GLRB: variants seen among roughly 807,000 people sequenced by gnomAD.
GLRB encodes the protein glycine receptor beta.
A neutral mutation model predicts 54.2 loss-of-function variants in GLRB; 33 were observed. The observed-to-expected ratio is 0.61, with a 90% CI of 0.46 to 0.81. The LOEUF is 0.81. Among genes scored for constraint, GLRB ranks in the 40% least tolerant of loss-of-function variants. The pLI is 0.00. For synonymous variants in GLRB, 209 were observed against 208.2 expected, an observed-to-expected ratio of 1.00 and a Z score of -0.03; for missense variants, 572 against 584.6, an observed-to-expected ratio of 0.98 and a Z score of 0.22.
intron 2 of GLRB, among the ~76,000 whole-genome samples, chr4:157,092,123 C>G (rs1016909678): frequency 2.0e-5 from 3 of 152,098 alleles, no homozygotes; most frequent in Non-Finnish European, 4.4e-5. Flanking sequence ...GGATAAGTGT[C>G]CTGATCTTTA....
intron 2 of GLRB, among the ~76,000 whole-genome samples, chr4:157,084,051 C>A (rs1560931749): frequency 6.6e-6 from 1 of 151,998 alleles, no homozygotes; most frequent in South Asian, 2.1e-4. Flanking sequence ...ACTAGAACAT[C>A]CTAAAATAAA....
At chr4:157,156,120 C>A (rs1408473522) in intron 9 of GLRB, among the ~76,000 whole-genome samples, 2 of 152,042 alleles carry the variant, frequency 1.3e-5, no homozygotes, top group African/African-American at 2.4e-5. Flanking sequence ...GGATTGTTTT[C>A]TCTAATTCTG....
chr4:157,130,557 A>G (rs1736177296), intron 4 of GLRB, among the ~76,000 whole-genome samples: 1 of 151,636 alleles, frequency 6.6e-6, no homozygotes, highest in African/African-American at 2.4e-5. Context: ...TGCATGCTGT[A>G]ACATGTGTCA....
intron 8 of GLRB, among the ~76,000 whole-genome samples, chr4:157,147,794 G>T (rs1736867294): frequency 6.6e-6 from 1 of 152,126 alleles, no homozygotes; most frequent in Admixed American, 6.5e-5. Context: ...GAAGGCCAGA[G>T]AGTAGAATCA....
rs768063841 is a variant in GLRB, at chr4:157,136,619, AG to A, written c.449del (p.Ser150MetfsTer7). On this transcript the variant is annotated frameshift_variant, in exon 5 of 10. Transcript: ENST00000264428. LOFTEE classifies it high-confidence loss of function. ...KPDLFFANEK[S>X]ANFHDVTQEN... The stretch of plus-strand genomic sequence containing the variant: ...TGATTTATTTTTTGCAAATGAAAAA[AG>A]TGCCAATTTTCATGATGTGACCCAG... 2.5e-6 allele frequency: 4 copies of A among 1,613,308 alleles called. No homozygotes were observed. In the African/African-American group the frequency reaches 4.0e-5, roughly 16 times the overall value.
intron 2 of GLRB, among the ~76,000 whole-genome samples, chr4:157,079,392 C>T (rs1734148758): frequency 1.3e-5 from 2 of 152,072 alleles, no homozygotes; most frequent in Admixed American, 1.3e-4. Context: ...AAAGAAAGGA[C>T]ACTAGAATTG....
At position 157,076,181 on chromosome 4, in the gene GLRB, G is replaced by A. The variant is rs1361768505; in HGVS notation, c.-146G>A. 1 of 149,774 alleles carries A rather than the reference G, an allele frequency of 6.7e-6. No individual in the cohort carries two copies. Among genetic ancestry groups the A allele is most frequent in the Admixed American group, 6.6e-5 (1 of 15,048 alleles). 9.3% of individuals were successfully genotyped at this position (149,774 alleles called of 1,614,324 possible). On this transcript the variant is annotated 5_prime_UTR_variant, in exon 1 of 10. Transcript: ENST00000264428. ...GTCAGCCGAGCTCGGCGGTGGCGCG[G>A]GCGGCTGGGACGCAGCTGCCCCCGC...
chr4:157,165,310 T>G (rs183088840), intron 9 of GLRB, among the ~76,000 whole-genome samples: 2 of 152,024 alleles, frequency 1.3e-5, no homozygotes, highest in African/African-American at 4.8e-5. Context: ...GGTTTTGCAA[T>G]GAAAAATGTA....
At chr4:157,101,395 G>A (rs559472966) in intron 2 of GLRB, among the ~76,000 whole-genome samples, 46 of 151,942 alleles carry the variant, frequency 3.0e-4, no homozygotes, top group Middle Eastern at 3.4e-3. Flanking sequence ...CTTATTTTCT[G>A]GCAGATACAT....
chr4:157,129,622 A>T (rs1736139594), intron 4 of GLRB, among the ~76,000 whole-genome samples: 1 of 151,792 alleles, frequency 6.6e-6, no homozygotes, highest in African/African-American at 2.4e-5. Context: ...ATGAAATAAG[A>T]CATAATAATC....
intron 7 of GLRB, among the ~76,000 whole-genome samples, chr4:157,142,791 A>G (rs1736665490): frequency 6.6e-6 from 1 of 152,188 alleles, no homozygotes; most frequent in Non-Finnish European, 1.5e-5. Context: ...GAAAACGATT[A>G]TAGATATTTT....
chr4:157,084,761 C>T (rs6823927), intron 2 of GLRB: 22,637 of 452,494 alleles, frequency 0.05, 765 homozygotes, highest in South Asian at 0.1. Context: ...TTATTCAATG[C>T]CACTATATGC....
intron 2 of GLRB, among the ~76,000 whole-genome samples, chr4:157,086,798 G>A (rs1247025676): frequency 2.6e-5 from 4 of 152,070 alleles, no homozygotes; most frequent in East Asian, 1.9e-4. Context: ...GTAGGGACAC[G>A]ACCCAAATAA....
intron 8 of GLRB, among the ~76,000 whole-genome samples, chr4:157,150,282 G>T (rs1736970835): frequency 6.6e-6 from 1 of 151,928 alleles, no homozygotes; most frequent in Non-Finnish European, 1.5e-5. Flanking sequence ...ATTATAATAC[G>T]ATTTTCCAAA....
intron 2 of GLRB, among the ~76,000 whole-genome samples, chr4:157,106,470 A>G (rs1181876554): frequency 6.6e-6 from 1 of 152,158 alleles, no homozygotes; most frequent in Non-Finnish European, 1.5e-5. Context: ...GTAGATGGGC[A>G]TGCAAGTTGG....
rs746067292 is a variant in GLRB at position 157,170,442 on chromosome 4, C to T, written c.1208C>T (p.Thr403Ile). The T allele has an allele frequency of 6.3e-7, 1 of 1,587,448 alleles. No individual in the cohort carries two copies. The highest frequency in any genetic ancestry group is 1.7e-5 in the Admixed American group (1 of 59,796). The part of the protein sequence containing the change: ...VHISTLQVGE[T>I]RCKKVCTSKS... ...AATATTTATTCTTAGGTTGGTGAGA[C>T]CAGATGCAAAAAAGTTTGTACTTCT... The change falls in exon 10 of 10, where the codon ACC becomes ATC. Residue 403 changes from threonine to isoleucine, a missense_variant. Physicochemically the swap from Thr to Ile is moderately conservative, Grantham distance 89. Coordinates refer to ENST00000264428, the MANE Select transcript of GLRB (RefSeq NM_000824.5).
At chr4:157,084,371 C>T (rs1734332046) in intron 2 of GLRB, among the ~76,000 whole-genome samples, 1 of 152,148 alleles carries the variant, frequency 6.6e-6, no homozygotes, top group Admixed American at 6.5e-5. Flanking sequence ...CCCATTTTGG[C>T]CCATACTTGT....
intron 2 of GLRB, among the ~76,000 whole-genome samples, chr4:157,102,996 C>A (rs1399870746): frequency 6.6e-6 from 1 of 151,950 alleles, no homozygotes; most frequent in Non-Finnish European, 1.5e-5. Context: ...GAAACCCCGT[C>A]TCTACTAACT....
chr4:157,093,609 G>C (rs186852768), intron 2 of GLRB, among the ~76,000 whole-genome samples: 1 of 152,044 alleles, frequency 6.6e-6, no homozygotes, highest in African/African-American at 2.4e-5. Flanking sequence ...ACAAAAATCA[G>C]CTAGGCGTGG....
Sources: allele counts gnomAD v4.1 joint callset (sites outside exome capture counted in the v4.1 genomes callset), GRCh38; gene constraint gnomAD v4.1.1; transcripts MANE v1.5; gene names NCBI Gene and HGNC (gene_info 2026-07-23, HGNC 2026-07-21).